Variants in ELAVL4 observed in about 807,000 individuals in gnomAD.
The protein encoded by ELAVL4 is ELAV like RNA binding protein 4, also known as ELAV-like protein 4.
A neutral mutation model predicts 35.6 loss-of-function variants in ELAVL4; 1 was observed. The ratio of observed to expected loss-of-function variants is 0.03; its 90% confidence interval spans 0.01 to 0.13. The LOEUF is 0.13. Ranked by LOEUF, ELAVL4 falls within the 10% of genes least tolerant of loss-of-function variation. The pLI, the probability that ELAVL4 is intolerant of heterozygous loss-of-function variation, is 1.00. For missense variants in ELAVL4, 267 were observed against 464.9 expected (o/e 0.57, Z 3.91); for synonymous variants, 156 against 171.0 (o/e 0.91, Z 0.69).
At chr1:50,183,392 C>T (rs1030252965) in intron 3 of ELAVL4, among the ~76,000 whole-genome samples, 4 of 151,976 alleles carry the variant, frequency 2.6e-5, no homozygotes, top group Admixed American at 1.3e-4. Context: ...GGCAGGCAGC[C>T]GGTGAGAGAA....
intron 3 of ELAVL4, among the ~76,000 whole-genome samples, chr1:50,190,314 G>T (rs1429951825): frequency 1.3e-5 from 2 of 152,178 alleles, no homozygotes; most frequent in African/African-American, 2.4e-5. Context: ...CAATTTTTTG[G>T]AAATCTTTCA....
At chr1:50,158,019 A>G (rs571623022) in intron 2 of ELAVL4, among the ~76,000 whole-genome samples, 12 of 152,326 alleles carry the variant, frequency 7.9e-5, no homozygotes, top group African/African-American at 2.9e-4. Flanking sequence ...TAGACTACCT[A>G]TATCTACGTC....
At chr1:50,056,854 C>T (rs1220668235) in intron 1 of ELAVL4, among the ~76,000 whole-genome samples, 2 of 151,914 alleles carry the variant, frequency 1.3e-5, no homozygotes, top group African/African-American at 4.8e-5. Context: ...ATGGCGTGAA[C>T]CCGGGAGGCA....
At chr1:50,102,298 AT>A (rs1482139396), upstream of ELAVL4, among the ~76,000 whole-genome samples, 1 of 17,402 alleles carries the variant, frequency 5.7e-5, no homozygotes, top group Non-Finnish European at 5.2e-4. Flanking sequence ...AAATAAAATA[AT>A]AAAATAAAAT....
chr1:50,140,960 A>G (rs1433815094), intron 1 of ELAVL4, among the ~76,000 whole-genome samples: 1 of 152,218 alleles, frequency 6.6e-6, no homozygotes, highest in Non-Finnish European at 1.5e-5. Flanking sequence ...ATCTACAGAC[A>G]GGACTCACCT....
At chr1:50,103,553 T>C (rs768767724), upstream of ELAVL4, among the ~76,000 whole-genome samples, 19 of 152,164 alleles carry the variant, frequency 1.2e-4, no homozygotes, top group Non-Finnish European at 1.6e-4. Flanking sequence ...GTATTTTTCC[T>C]AAAGAAGGAA....
chr1:50,140,740 A>T (rs1305473904), intron 1 of ELAVL4, among the ~76,000 whole-genome samples: 1 of 152,152 alleles, frequency 6.6e-6, no homozygotes, highest in Admixed American at 6.6e-5. Flanking sequence ...CTCTCTTTGT[A>T]TGTGTCCATT....
At chr1:50,178,858 C>T (rs1306648554) in intron 3 of ELAVL4, among the ~76,000 whole-genome samples, 2 of 152,168 alleles carry the variant, frequency 1.3e-5, no homozygotes, top group African/African-American at 4.8e-5. Flanking sequence ...CTTCCCTTGA[C>T]AGACACCCTG....
At chr1:50,104,021 G>A, upstream of ELAVL4, 1 of 1,613,858 alleles carries the variant, frequency 6.2e-7, no homozygotes. Context: ...CCACATCACT[G>A]GATAGCCTGG....
chr1:50,057,845 A>C (rs1250037925), intron 1 of ELAVL4, among the ~76,000 whole-genome samples: 1 of 152,208 alleles, frequency 6.6e-6, no homozygotes, highest in Non-Finnish European at 1.5e-5. Flanking sequence ...TCAAGTTACC[A>C]TGTTGTTTGG....
intron 3 of ELAVL4, 142 bp downstream of exon 3, chr1:50,177,334 T>C (rs1314501034): frequency 3.0e-6 from 2 of 663,242 alleles, no homozygotes; most frequent in South Asian, 1.9e-5. Flanking sequence ...CTATACTAAA[T>C]GGGAGACACA....
At chr1:50,069,798 C>T (rs1664429259) in intron 1 of ELAVL4, among the ~76,000 whole-genome samples, 1 of 152,084 alleles carries the variant, frequency 6.6e-6, no homozygotes, top group Admixed American at 6.6e-5. Flanking sequence ...ACAGCCTGAC[C>T]CCAGAACCCA....
At chr1:50,116,895 A>G (rs774701607) in intron 1 of ELAVL4, among the ~76,000 whole-genome samples, 1 of 152,126 alleles carries the variant, frequency 6.6e-6, no homozygotes, top group Non-Finnish European at 1.5e-5. Context: ...ATCTCTGTTG[A>G]TGCACTGGGT....
At chr1:50,190,992 T>C (rs544756029) in intron 3 of ELAVL4, among the ~76,000 whole-genome samples, 1 of 152,216 alleles carries the variant, frequency 6.6e-6, no homozygotes, top group Non-Finnish European at 1.5e-5. Flanking sequence ...TTTTAACCTT[T>C]GATTAATCTC....
intron 1 of ELAVL4, among the ~76,000 whole-genome samples, chr1:50,065,963 A>C (rs1664243374): frequency 6.6e-6 from 1 of 152,178 alleles, no homozygotes; most frequent in Non-Finnish European, 1.5e-5. Flanking sequence ...AGAGAGCGAA[A>C]GTAAGGAAGA....
chr1:50,163,967 A>T (rs1677278925), intron 2 of ELAVL4, among the ~76,000 whole-genome samples: 1 of 152,172 alleles, frequency 6.6e-6, no homozygotes, highest in Non-Finnish European at 1.5e-5. Context: ...CTAGAGTCAG[A>T]TGGGCCTAGC....
intron 1 of ELAVL4, chr1:50,109,888 T>G: frequency 6.2e-7 from 1 of 1,610,036 alleles, no homozygotes; most frequent in Non-Finnish European, 8.5e-7. Flanking sequence ...TTACATAACG[T>G]TCCTTTCCGC....
chr1:50,193,207 G>A (rs1173245807), intron 3 of ELAVL4, among the ~76,000 whole-genome samples: 1 of 152,082 alleles, frequency 6.6e-6, no homozygotes, highest in Non-Finnish European at 1.5e-5. Context: ...TTTGTCATTT[G>A]GTGAGAGCAG....
intron 1 of ELAVL4, among the ~76,000 whole-genome samples, chr1:50,140,460 C>A (rs980389516): frequency 2.0e-5 from 3 of 152,216 alleles, no homozygotes; most frequent in Non-Finnish European, 4.4e-5. Flanking sequence ...TATCATGTAA[C>A]CTTAAAATGC....
Sources: allele counts gnomAD v4.1 joint callset (sites outside exome capture counted in the v4.1 genomes callset), GRCh38; gene constraint gnomAD v4.1.1; transcripts MANE v1.5; gene names NCBI Gene and HGNC (gene_info 2026-07-23, HGNC 2026-07-21).